The following PAK1 variants were observed in gnomAD, a reference collection of about 807,000 sequenced individuals.
The protein encoded by PAK1 is serine/threonine-protein kinase PAK 1.
In PAK1, 29 loss-of-function variants were observed where a neutral mutation model predicts 67.4. The observed-to-expected ratio is 0.43, with a 90% CI of 0.32 to 0.59. The LOEUF (loss-of-function observed/expected upper bound fraction) is 0.59, where lower values mean the gene tolerates loss of function less well. PAK1 is among the 20% of genes least tolerant of loss of function. The pLI, the probability that PAK1 is intolerant of heterozygous loss-of-function variation, is 0.07. For synonymous variants in PAK1, 223 were observed against 237.4 expected, an observed-to-expected ratio of 0.94 and a Z score of 0.56; for missense variants, 337 against 670.7, an observed-to-expected ratio of 0.50 and a Z score of 5.50.
chr11:77,440,848 C>T (rs1348883232), intron 1 of PAK1, among the ~76,000 whole-genome samples: 1 of 150,754 alleles, frequency 6.6e-6, no homozygotes, highest in Non-Finnish European at 1.5e-5. Context: ...TCTATCTGCC[C>T]CTCCCACCTC....
chr11:77,460,722 G>T (rs920997660), intron 1 of PAK1, among the ~76,000 whole-genome samples: 13 of 152,164 alleles, frequency 8.5e-5, no homozygotes, highest in African/African-American at 3.1e-4. Context: ...AAGCGAAGAA[G>T]AGATGAGGCA....
chr11:77,464,757 C>G lies in PAK1; in HGVS notation c.-22+8795G>C, dbSNP rs563945540. ...ACCTTAAACATACTCAGAACACTTA[C>G]GTTCACCTACAGTTATGCAAAATCA... On this transcript the variant is annotated intron_variant, in intron 1 of 14. Coordinates refer to ENST00000356341, the MANE Select transcript of PAK1 (RefSeq NM_002576.5). Among the ~76,000 whole-genome samples the G allele has an allele frequency of 2.2e-4, 34 of 152,302 alleles. No individual in the cohort carries two copies. In the Middle Eastern group the frequency reaches 0.027, roughly 122 times the overall value.
In PAK1 at chr11:77,429,215, T is replaced by C. The variant is rs575123135; in HGVS notation, c.-21-36674A>G. ...AAGAATGATAGGGACATATCAAAAG[T>C]TGACAGAAGCCAACTTCTGATTTGG... On this transcript the variant is annotated intron_variant, in intron 1 of 14. Coordinates refer to ENST00000356341, the MANE Select transcript of PAK1 (RefSeq NM_002576.5). Among the ~76,000 whole-genome samples the C allele has an allele frequency of 8.6e-5, 13 of 151,892 alleles. No homozygotes were observed. In the East Asian group the frequency reaches 1.2e-3, roughly 14 times the overall value.
intron 5 of PAK1, among the ~76,000 whole-genome samples, chr11:77,364,614 AAT>A (rs1329186929): frequency 6.6e-6 from 1 of 152,200 alleles, no homozygotes; most frequent in Non-Finnish European, 1.5e-5. Flanking sequence ...ATTGGTACAG[AAT>A]ATTATCTAAA....
intron 1 of PAK1, among the ~76,000 whole-genome samples, chr11:77,400,828 G>A (rs867611755): frequency 2.0e-5 from 3 of 152,106 alleles, no homozygotes; most frequent in Non-Finnish European, 4.4e-5. Context: ...ATATTAATTC[G>A]TCAGCTACCG....
At chr11:77,376,841 G>A (rs1949158056) in intron 4 of PAK1, among the ~76,000 whole-genome samples, 1 of 152,108 alleles carries the variant, frequency 6.6e-6, no homozygotes. Flanking sequence ...GGAGTTAAAG[G>A]CCCAACTTAA....
At position 77,349,278 on chromosome 11, in the gene PAK1, G is replaced by C. The variant is rs1369408258; in HGVS notation, c.846C>G (p.Gly282=). 6.3e-7 allele frequency: 1 copy of C among 1,599,938 alleles called. No individual in the cohort carries two copies. Among genetic ancestry groups the C allele is most frequent in the South Asian group, 1.1e-5 (1 of 88,044 alleles). The change falls in exon 9 of 15, where the codon GGC becomes GGG. Residue 282 remains glycine (G), a synonymous_variant. Coordinates refer to ENST00000356341, the MANE Select transcript of PAK1 (RefSeq NM_002576.5). The part of the protein sequence containing the change: ...RFEKIGQGAS[G]TVYTAMDVAT... ...CCACATCCATTGCTGTGTACACGGTGCCTGAAGCACTGAACAGTAAGGTGG... is the reference window on the plus strand; with the variant it reads ...CCACATCCATTGCTGTGTACACGGTCCCTGAAGCACTGAACAGTAAGGTGG...
At chr11:77,476,029 G>C (rs1458145216), upstream of PAK1, 1 of 152,250 alleles carries the variant, frequency 6.6e-6, no homozygotes, top group Non-Finnish European at 1.5e-5. Flanking sequence ...AATTAGCCGG[G>C]CGTAGTGGCA....
chr11:77,431,209 A>T (rs1360323684), intron 1 of PAK1, among the ~76,000 whole-genome samples: 1 of 152,136 alleles, frequency 6.6e-6, no homozygotes, highest in Non-Finnish European at 1.5e-5. Context: ...TTACTACATT[A>T]TCTGCATTAT....
At chr11:77,471,974 T>C (rs1386321851) in intron 1 of PAK1, among the ~76,000 whole-genome samples, 1 of 152,200 alleles carries the variant, frequency 6.6e-6, no homozygotes, top group Non-Finnish European at 1.5e-5. Flanking sequence ...CCTCAATTAT[T>C]GCACACTACT....
the PAK1 span, among the ~76,000 whole-genome samples, chr11:77,497,143 G>C: frequency 6.6e-6 from 1 of 152,116 alleles, no homozygotes; most frequent in South Asian, 2.1e-4. Flanking sequence ...AAGCCTTCAG[G>C]AACTGGGCGA....
At chr11:77,325,455 T>C in intron 14 of PAK1, 1 of 1,441,246 alleles carries the variant, frequency 6.9e-7, no homozygotes, top group Non-Finnish European at 9.5e-7. Flanking sequence ...TGCCTAAATA[T>C]ATAAAGTGTT....
intron 1 of PAK1, among the ~76,000 whole-genome samples, chr11:77,447,060 C>G (rs1956645601): frequency 6.6e-6 from 1 of 152,112 alleles, no homozygotes; most frequent in Admixed American, 6.6e-5. Flanking sequence ...AAATCATTTA[C>G]CCAAAACCAC....
At chr11:77,524,438 G>A in the PAK1 span, among the ~76,000 whole-genome samples, 1 of 152,168 alleles carries the variant, frequency 6.6e-6, no homozygotes, top group Non-Finnish European at 1.5e-5. Flanking sequence ...TGCATGCCAT[G>A]CTCGCTCTCT....
chr11:77,334,375 T>G (rs1421737917), intron 13 of PAK1, among the ~76,000 whole-genome samples: 1 of 152,094 alleles, frequency 6.6e-6, no homozygotes, highest in Non-Finnish European at 1.5e-5. Context: ...TTCAGTTTGG[T>G]GCACTGAAGC....
chr11:77,387,365 C>A (rs1453974342), intron 2 of PAK1, among the ~76,000 whole-genome samples: 2 of 152,176 alleles, frequency 1.3e-5, no homozygotes, highest in Non-Finnish European at 2.9e-5. Flanking sequence ...GAGCCACTTG[C>A]ACCCCGCCCT....
intron 1 of PAK1, among the ~76,000 whole-genome samples, chr11:77,395,413 GC>G (rs1196954657): frequency 6.6e-6 from 1 of 151,984 alleles, no homozygotes; most frequent in Non-Finnish European, 1.5e-5. Flanking sequence ...ATCAAACTTT[GC>G]ATAAAGATAT....
intron 9 of PAK1, among the ~76,000 whole-genome samples, chr11:77,345,774 A>C (rs1200576888): frequency 6.6e-6 from 1 of 152,214 alleles, no homozygotes; most frequent in Non-Finnish European, 1.5e-5. Flanking sequence ...CAACATGTTG[A>C]TCTAAAGATA....
At chr11:77,529,916 C>G in the PAK1 span, 1 of 152,284 alleles carries the variant, frequency 6.6e-6, no homozygotes, top group African/African-American at 2.4e-5. Context: ...AGGAGCCAGG[C>G]CAAAGAGTTA....
Sources: allele counts gnomAD v4.1 joint callset (sites outside exome capture counted in the v4.1 genomes callset), GRCh38; gene constraint gnomAD v4.1.1; transcripts MANE v1.5; gene names NCBI Gene and HGNC (gene_info 2026-07-23, HGNC 2026-07-21).